Variants in NAA11 observed in about 807,000 individuals in gnomAD.
NAA11 encodes N-alpha-acetyltransferase 11, NatA catalytic subunit, also known as N-alpha-acetyltransferase 11.
Under a neutral mutation model 16.1 loss-of-function variants are expected in NAA11, and 15 were observed. That is an observed-to-expected ratio of 0.93 (90% confidence interval 0.62 to 1.44). NAA11 has a LOEUF of 1.44. NAA11 is among the 40% of genes most tolerant of loss of function. The probability of loss-of-function intolerance (pLI) is 0.00; values close to 1 mark genes in which losing one functional copy is unlikely to be tolerated. For synonymous variants in NAA11, 122 were observed against 112.4 expected (o/e 1.09, Z -0.54); for missense variants, 298 against 291.3 (o/e 1.02, Z -0.17).
At chr4:79,271,681 C>A (rs1722496112) in intron 2 of NAA11, among the ~76,000 whole-genome samples, 1 of 151,786 alleles carries the variant, frequency 6.6e-6, no homozygotes, top group Admixed American at 6.6e-5. Context: ...AAAATTAGAC[C>A]AAATTAAGAA....
intron 2 of NAA11, chr4:79,226,345 T>C (rs1444649408): frequency 2.0e-5 from 3 of 152,000 alleles, no homozygotes; most frequent in Non-Finnish European, 4.4e-5. Context: ...GTTGCACACA[T>C]CTCTTCTGAT....
rs111863960 is a variant in NAA11, at chr4:79,241,099, A to T, written c.*123-14829T>A. Among the ~76,000 whole-genome samples the T allele has an allele frequency of 4.1e-3, 621 of 152,258 alleles. 6 individuals carry two copies. Among genetic ancestry groups the T allele is most frequent in the African/African-American group, 0.014 (589 of 41,544 alleles). ...TTGAACTGTGTGGGTCCACTTGTAC[A>T]TAGATTTTCTTCTGCCACTGCCACC... is the stretch of plus-strand genomic sequence containing the variant. On this transcript the variant is annotated intron_variant and NMD_transcript_variant, in intron 2 of 2. Transcript: ENST00000511542.
At chr4:79,309,141 T>C (rs1414279423) in intron 1 of NAA11, among the ~76,000 whole-genome samples, 1 of 152,220 alleles carries the variant, frequency 6.6e-6, no homozygotes, top group East Asian at 1.9e-4. Flanking sequence ...ACCAACCTTT[T>C]CTTTCCCCCA....
intron 1 of NAA11, among the ~76,000 whole-genome samples, chr4:79,294,475 G>A (rs980009270): frequency 6.6e-6 from 1 of 152,160 alleles, no homozygotes; most frequent in Non-Finnish European, 1.5e-5. Flanking sequence ...ATGCACATCC[G>A]AATCAAATTT....
the NAA11 span, among the ~76,000 whole-genome samples, chr4:79,219,401 G>C: frequency 1.3e-5 from 2 of 152,102 alleles, no homozygotes; most frequent in African/African-American, 2.4e-5. Flanking sequence ...TAATCACACT[G>C]ATCTAATGAG....
At position 79,247,816 on chromosome 4, in the gene NAA11, C is replaced by T. The variant is rs888485091; in HGVS notation, c.*123-21546G>A. Among the ~76,000 whole-genome samples, 81 of 152,142 alleles carry T rather than the reference C, an allele frequency of 5.3e-4. 3 individuals are homozygous for T. Among genetic ancestry groups the T allele is most frequent in the Non-Finnish European group, 1.5e-5 (1 of 68,034 alleles). On this transcript the variant is annotated intron_variant and NMD_transcript_variant, in intron 2 of 2. Transcript: ENST00000511542. Reference sequence around the variant, plus strand: ...GGAGCAACCTCCTCTCACCACTGGTCTCAGGAATCTTGGCGGCAGAAGACC... The same window carrying T: ...GGAGCAACCTCCTCTCACCACTGGTTTCAGGAATCTTGGCGGCAGAAGACC...
At chr4:79,278,359 G>C (rs950693200) in intron 2 of NAA11, among the ~76,000 whole-genome samples, 1 of 152,082 alleles carries the variant, frequency 6.6e-6, no homozygotes, top group Admixed American at 6.6e-5. Context: ...AAAGAAGAAA[G>C]TACAAGTTTT....
At chr4:79,253,995 C>A (rs1025791537) in intron 2 of NAA11, among the ~76,000 whole-genome samples, 1 of 152,156 alleles carries the variant, frequency 6.6e-6, no homozygotes, top group Admixed American at 6.5e-5. Context: ...TAAATAACTT[C>A]ACAGGGCATG....
At chr4:79,312,709 C>A (rs1055883413), downstream of NAA11, among the ~76,000 whole-genome samples, 10 of 150,504 alleles carry the variant, frequency 6.6e-5, no homozygotes, top group Non-Finnish European at 1.5e-4. Context: ...AGGCTGATCT[C>A]GAACTCCTGG....
chr4:79,217,614 T>C, the NAA11 span, among the ~76,000 whole-genome samples: 1 of 152,136 alleles, frequency 6.6e-6, no homozygotes, highest in Non-Finnish European at 1.5e-5. Context: ...AGGAAAAATA[T>C]AAGCACATGA....
chr4:79,246,106 T>G (rs1721816287), intron 2 of NAA11, among the ~76,000 whole-genome samples: 1 of 152,206 alleles, frequency 6.6e-6, no homozygotes, highest in African/African-American at 2.4e-5. Context: ...AACTGTGCTG[T>G]GTCAACTCAG....
chr4:79,175,531 G>A, the NAA11 span, among the ~76,000 whole-genome samples: 3 of 151,826 alleles, frequency 2.0e-5, no homozygotes, highest in African/African-American at 4.8e-5. Context: ...TATAATTTGC[G>A]CTGTATAACA....
the NAA11 span, among the ~76,000 whole-genome samples, chr4:79,184,354 A>G: frequency 4.6e-5 from 7 of 152,198 alleles, no homozygotes. Context: ...TAAGTAGCCT[A>G]GAGGAAACAA....
At chr4:79,171,153 C>T in the NAA11 span, among the ~76,000 whole-genome samples, 1 of 152,122 alleles carries the variant, frequency 6.6e-6, no homozygotes, top group East Asian at 1.9e-4. Context: ...AACCTAATCC[C>T]CAAGGCAACA....
chr4:79,323,192 G>GT (rs1724150496), intron 1 of NAA11, among the ~76,000 whole-genome samples: 1 of 152,154 alleles, frequency 6.6e-6, no homozygotes, highest in African/African-American at 2.4e-5. Context: ...TTTCATACAT[G>GT]TAAGGGTAAG....
At chr4:79,230,364 T>C (rs1269030415) in intron 2 of NAA11, among the ~76,000 whole-genome samples, 1 of 151,928 alleles carries the variant, frequency 6.6e-6, no homozygotes, top group Non-Finnish European at 1.5e-5. Context: ...GCATGGCACA[T>C]GTATACATAT....
chr4:79,236,863 G>T (rs1721582293), intron 2 of NAA11, among the ~76,000 whole-genome samples: 1 of 152,080 alleles, frequency 6.6e-6, no homozygotes. Flanking sequence ...GGTCATAATG[G>T]TGCATAGTCC....
downstream of NAA11, among the ~76,000 whole-genome samples, chr4:79,312,307 G>A (rs529364909): frequency 5.1e-4 from 77 of 152,228 alleles, no homozygotes; most frequent in African/African-American, 1.8e-3. Context: ...CCAGATGCTT[G>A]CCCTAATGTA....
downstream of NAA11, among the ~76,000 whole-genome samples, chr4:79,313,256 G>GT (rs1303509332): frequency 7.9e-5 from 12 of 151,394 alleles, no homozygotes; most frequent in East Asian, 1.9e-4. Context: ...TACAATGCAG[G>GT]TTTTTTTTTA....
Sources: gnomAD v4.1 joint callset for allele counts (sites outside exome capture counted in the v4.1 genomes callset) on GRCh38, gnomAD v4.1.1 for gene constraint, MANE v1.5 for transcripts, NCBI Gene and HGNC (gene_info 2026-07-23, HGNC 2026-07-21) for gene names.